ASPRV1: variants seen among roughly 807,000 people sequenced by gnomAD.
ASPRV1 encodes retroviral-like aspartic protease 1.
In ASPRV1, 7 loss-of-function variants were observed where a neutral mutation model predicts 11.0. The ratio of observed to expected loss-of-function variants is 0.64; its 90% CI spans 0.36 to 1.20. The LOEUF is 1.20. Ranked by LOEUF, ASPRV1 falls within the 50% of genes most tolerant of loss-of-function variation. The pLI, the probability that ASPRV1 is intolerant of heterozygous loss-of-function variation, is 0.02. For synonymous variants in ASPRV1, 136 were observed against 138.4 expected (o/e 0.98, Z 0.12); for missense variants, 299 against 320.0 (o/e 0.93, Z 0.50).
chr2:70,034,552 C>T, the ASPRV1 span, among the ~76,000 whole-genome samples: 120 of 146,776 alleles, frequency 8.2e-4, no homozygotes, highest in African/African-American at 3.0e-3. Flanking sequence ...GCCTGGGCGA[C>T]AGAGCGAGAC....
At chr2:70,046,801 C>T in the ASPRV1 span, 1 of 151,994 alleles carries the variant, frequency 6.6e-6, no homozygotes, top group East Asian at 1.9e-4. Flanking sequence ...AGGGAACTGG[C>T]AAAACAAGAA....
the ASPRV1 span, among the ~76,000 whole-genome samples, chr2:69,943,708 A>C: frequency 5.3e-5 from 8 of 152,184 alleles, no homozygotes; most frequent in Admixed American, 1.3e-4. Context: ...AGGTGAGGAC[A>C]CATCTAAGAA....
the ASPRV1 span, among the ~76,000 whole-genome samples, chr2:69,935,978 G>C: frequency 6.6e-6 from 1 of 152,030 alleles, no homozygotes; most frequent in Admixed American, 6.6e-5. Context: ...TGCCTTGCCT[G>C]GTCCTCACTT....
At chr2:69,933,120 G>A in the ASPRV1 span, among the ~76,000 whole-genome samples, 2 of 145,422 alleles carry the variant, frequency 1.4e-5, no homozygotes, top group East Asian at 4.2e-4. Context: ...AATCTGTTGA[G>A]CCTGGGAGGC....
chr2:70,054,870 T>C, the ASPRV1 span, among the ~76,000 whole-genome samples: 6 of 152,220 alleles, frequency 3.9e-5, no homozygotes, highest in African/African-American at 1.4e-4. Context: ...GAGTCTCCTC[T>C]TTGCTGTAAA....
At chr2:70,029,016 G>C in the ASPRV1 span, among the ~76,000 whole-genome samples, 2 of 152,114 alleles carry the variant, frequency 1.3e-5, no homozygotes, top group African/African-American at 4.8e-5. Flanking sequence ...CCACCAGAGA[G>C]GCCCTAAAGT....
the ASPRV1 span, among the ~76,000 whole-genome samples, chr2:70,065,340 G>C: frequency 7.4e-6 from 1 of 134,980 alleles, no homozygotes; most frequent in Non-Finnish European, 1.5e-5. Context: ...GCAATGAGCC[G>C]AGATGGCGCT....
chr2:69,951,796 T>G, the ASPRV1 span, among the ~76,000 whole-genome samples: 2 of 152,112 alleles, frequency 1.3e-5, no homozygotes, highest in African/African-American at 4.8e-5. Flanking sequence ...CCTAGTTTAT[T>G]TTCAGCCAAT....
At chr2:70,009,024 G>T in the ASPRV1 span, among the ~76,000 whole-genome samples, 1 of 152,172 alleles carries the variant, frequency 6.6e-6, no homozygotes, top group Non-Finnish European at 1.5e-5. Context: ...CTGAAAAGCT[G>T]CTCTGGAGGT....
chr2:69,967,823 G>A, the ASPRV1 span, among the ~76,000 whole-genome samples: 2 of 152,212 alleles, frequency 1.3e-5, no homozygotes, highest in African/African-American at 4.8e-5. Context: ...GCTCATGCCT[G>A]TAATCCCAAC....
chr2:70,039,095 A>C, the ASPRV1 span, among the ~76,000 whole-genome samples: 1 of 151,884 alleles, frequency 6.6e-6, no homozygotes, highest in Non-Finnish European at 1.5e-5. Context: ...AAAAAAAAAA[A>C]CAAAGCCAAC....
chr2:70,008,234 T>C, the ASPRV1 span, among the ~76,000 whole-genome samples: 11 of 152,310 alleles, frequency 7.2e-5, no homozygotes, highest in East Asian at 1.9e-3. Context: ...GATTTCTTAT[T>C]AATTTTTTTA....
the ASPRV1 span, chr2:70,086,510 C>G: frequency 2.0e-5 from 3 of 151,454 alleles, no homozygotes; most frequent in African/African-American, 4.8e-5. Flanking sequence ...CGGGCCCTGA[C>G]GGGGCCGCCC....
chr2:69,969,559 C>T, the ASPRV1 span, among the ~76,000 whole-genome samples: 1 of 152,250 alleles, frequency 6.6e-6, no homozygotes, highest in East Asian at 1.9e-4. Flanking sequence ...AGATGTGGCT[C>T]CCTGAGGCTC....
the ASPRV1 span, among the ~76,000 whole-genome samples, chr2:69,943,744 T>C: frequency 3.2e-3 from 490 of 152,324 alleles, 1 homozygote; most frequent in African/African-American, 0.011. Context: ...TGCCTCATGC[T>C]GCCACCTTTC....
At chr2:69,998,546 G>T in the ASPRV1 span, among the ~76,000 whole-genome samples, 1 of 151,970 alleles carries the variant, frequency 6.6e-6, no homozygotes, top group African/African-American at 2.4e-5. Flanking sequence ...AGACCACGGT[G>T]AAACCCCGTC....
At chr2:70,061,110 G>A in the ASPRV1 span, among the ~76,000 whole-genome samples, 4 of 151,360 alleles carry the variant, frequency 2.6e-5, no homozygotes, top group African/African-American at 9.7e-5. Context: ...AAAGGCAAAG[G>A]ACAGGCCGGG....
At chr2:70,035,870 ATTT>A in the ASPRV1 span, among the ~76,000 whole-genome samples, 19 of 147,564 alleles carry the variant, frequency 1.3e-4, no homozygotes, top group East Asian at 3.6e-3. Context: ...ACTTCACAAA[ATTT>A]TTTTTTTTAT....
the ASPRV1 span, among the ~76,000 whole-genome samples, chr2:70,082,114 A>G: frequency 1.3e-5 from 2 of 151,934 alleles, no homozygotes. Context: ...AGCTGGGATT[A>G]CAGGCACGCA....
Sources: allele counts gnomAD v4.1 joint callset (sites outside exome capture counted in the v4.1 genomes callset), GRCh38; gene constraint gnomAD v4.1.1; transcripts MANE v1.5; gene names NCBI Gene and HGNC (gene_info 2026-07-23, HGNC 2026-07-21).